The following GOLGA1 variants were observed in gnomAD, a reference collection of about 807,000 sequenced individuals.
GOLGA1 encodes golgin A1.
A neutral mutation model predicts 119.7 loss-of-function variants in GOLGA1; 63 were observed. That is an observed-to-expected ratio of 0.53 (90% CI 0.43 to 0.65). GOLGA1 has a LOEUF of 0.65. Among genes scored for constraint, GOLGA1 ranks in the 30% least tolerant of loss-of-function variants. The pLI is 0.00. For missense variants in GOLGA1, 798 were observed against 912.8 expected (o/e 0.87, Z 1.62); for synonymous variants, 318 against 333.4 (o/e 0.95, Z 0.50).
chr9:124,944,269 A>G (rs999957181), upstream of GOLGA1: 6 of 151,418 alleles, frequency 4.0e-5, no homozygotes, highest in Non-Finnish European at 8.8e-5. Context: ...GTTAACAAAA[A>G]CCATTCTTCA....
chr9:124,880,910 G>C (rs2131351979), intron 22 of GOLGA1, among the ~76,000 whole-genome samples: 1 of 152,322 alleles, frequency 6.6e-6, no homozygotes, highest in Middle Eastern at 3.4e-3. Context: ...GCCAGACCTG[G>C]GGCTCTCGAT....
intron 19 of GOLGA1, chr9:124,887,606 CACACACACACGTGCACTCACACACACAA>C (rs1829752740): frequency 6.6e-6 from 1 of 152,446 alleles, no homozygotes; most frequent in Non-Finnish European, 1.5e-5. Flanking sequence ...GATCTAAACA[CACACACACACGTGCACTCACACACACAA>C]ACACACACAC....
At chr9:124,895,444 CAACCCTCCACAACAGAG>C (rs1829952727) in intron 15 of GOLGA1, among the ~76,000 whole-genome samples, 2 of 123,294 alleles carry the variant, frequency 1.6e-5, no homozygotes, top group Admixed American at 8.3e-5. Flanking sequence ...CCACAACAGA[CAACCCTCCACAACAGAG>C]AACCCTCCAC....
intron 12 of GOLGA1, among the ~76,000 whole-genome samples, chr9:124,900,766 A>C (rs2131412445): frequency 1.3e-5 from 2 of 152,270 alleles, no homozygotes; most frequent in South Asian, 4.1e-4. Context: ...GCTTTATATA[A>C]AGTTTTAATA....
At chr9:124,898,727 G>T in intron 14 of GOLGA1, 83 bp from the exon 15 acceptor site, 1 of 801,876 alleles carries the variant, frequency 1.2e-6, no homozygotes. Flanking sequence ...CAGGAAGAAG[G>T]CATAGGGAGG....
intron 13 of GOLGA1, 107 bp from the exon 14 acceptor site, chr9:124,899,585 T>G: frequency 8.9e-7 from 1 of 1,122,920 alleles, no homozygotes; most frequent in African/African-American, 1.5e-5. Flanking sequence ...AACAACTCTC[T>G]CCTGACCCCA....
intron 15 of GOLGA1, among the ~76,000 whole-genome samples, chr9:124,894,034 T>G (rs1829911448): frequency 6.6e-6 from 1 of 152,218 alleles, no homozygotes; most frequent in Non-Finnish European, 1.5e-5. Context: ...GTGACTATTC[T>G]TCCCAGCGTT....
At chr9:124,937,574 T>C (rs1830901026) in intron 3 of GOLGA1, among the ~76,000 whole-genome samples, 1 of 149,896 alleles carries the variant, frequency 6.7e-6, no homozygotes, top group African/African-American at 2.5e-5. Context: ...GAGGATGCAA[T>C]GAGCTGAGAT....
At chr9:124,929,720 G>A (rs1176877417) in intron 4 of GOLGA1, among the ~76,000 whole-genome samples, 2 of 152,118 alleles carry the variant, frequency 1.3e-5, no homozygotes, top group Non-Finnish European at 2.9e-5. Context: ...CAGTAGTTAG[G>A]GCAATAACAA....
chr9:124,901,735 G>A (rs190629821), intron 12 of GOLGA1, among the ~76,000 whole-genome samples: 1 of 152,246 alleles, frequency 6.6e-6, no homozygotes, highest in Admixed American at 6.5e-5. Flanking sequence ...GCACCTGGTT[G>A]CTAATTTTTG....
At chr9:124,899,281 G>A in intron 14 of GOLGA1, 48 bp downstream of exon 14, 1 of 1,500,518 alleles carries the variant, frequency 6.7e-7, no homozygotes, top group Non-Finnish European at 9.0e-7. Flanking sequence ...CTTCGCTGTG[G>A]GGGACCCTGG....
At chr9:124,890,764 T>C (rs943533048) in intron 15 of GOLGA1, among the ~76,000 whole-genome samples, 14 of 152,116 alleles carry the variant, frequency 9.2e-5, no homozygotes, top group Admixed American at 6.5e-4. Flanking sequence ...GGGCCTATCC[T>C]GAAGAGCTGG....
At chr9:124,890,509 A>G (rs771438568) in intron 15 of GOLGA1, 31 bp from the exon 16 acceptor site, 1 of 1,529,816 alleles carries the variant, frequency 6.5e-7, no homozygotes, top group Non-Finnish European at 9.1e-7. Flanking sequence ...GAGCCCCAAA[A>G]CTTAGTTCAC....
At chr9:124,929,474 A>G (rs552758417) in intron 4 of GOLGA1, among the ~76,000 whole-genome samples, 184 bp from the exon 5 acceptor site, 4 of 152,354 alleles carry the variant, frequency 2.6e-5, no homozygotes, top group African/African-American at 9.6e-5. Flanking sequence ...AGTATAGTAC[A>G]AACTATCCAT....
chr9:124,947,418 T>C (rs959450465), intron 1 of GOLGA1: 8 of 152,274 alleles, frequency 5.3e-5, no homozygotes, highest in African/African-American at 1.9e-4. Context: ...TCTGTTAAGA[T>C]CTTCATATCC....
Position 124,911,920 on chromosome 9 carries a change from A to G in GOLGA1, c.950T>C (p.Leu317Ser). Residue 317 changes from leucine (L) to serine (S), a missense_variant, in exon 11 of 23, where the codon TTG becomes TCG. Leu to Ser is a moderately radical substitution (Grantham distance 145). Coordinates refer to ENST00000373555, the MANE Select transcript of GOLGA1 (RefSeq NM_002077.4). ...AGTTACCTCTTTCAGGAGTTCTTGC[A>G]AGTGTTCTTCTCCTGATAAGTTCTG... ...LEQNLSGEEH[L>S]QELLKEKTLA... 2.5e-6 allele frequency: 4 copies of G among 1,611,958 alleles called. No individual in the cohort carries two copies. Among genetic ancestry groups the G allele is most frequent in the African/African-American group, 2.7e-5 (2 of 75,000 alleles).
In GOLGA1 at chr9:124,899,183, G is replaced by C. The variant is rs1342602883; in HGVS notation, c.1311+146C>G. On this transcript the variant is annotated intron_variant, in intron 14 of 22. Transcript: ENST00000373555. ...TGTGCTCCAGCCTGGGTGACAGAGT[G>C]AGACCCTGTCTCAAACAAAAAAAAA... 1.2e-5 allele frequency: 8 copies of C among 663,652 alleles called. 1 individual carries two copies. Among genetic ancestry groups the C allele is most frequent in the Non-Finnish European group, 7.5e-6 (3 of 398,326 alleles). 41.1% of individuals were successfully genotyped at this position (663,652 alleles called of 1,614,324 possible).
At chr9:124,926,833 G>T in intron 6 of GOLGA1, 92 bp from the exon 7 acceptor site, 2 of 623,368 alleles carry the variant, frequency 3.2e-6, no homozygotes, top group African/African-American at 1.9e-5. Flanking sequence ...ACTCTTCCCA[G>T]AAAGCAACTA....
intron 15 of GOLGA1, among the ~76,000 whole-genome samples, chr9:124,892,670 C>T (rs1193112694): frequency 1.3e-5 from 2 of 152,142 alleles, no homozygotes; most frequent in Non-Finnish European, 2.9e-5. Flanking sequence ...TGGTGGCTCA[C>T]GCCTGTAATC....
Sources: gnomAD v4.1 joint callset for allele counts (sites outside exome capture counted in the v4.1 genomes callset) on GRCh38, gnomAD v4.1.1 for gene constraint, MANE v1.5 for transcripts, NCBI Gene and HGNC (gene_info 2026-07-23, HGNC 2026-07-21) for gene names.